The following CSNK1A1 variants were observed in gnomAD, a reference collection of about 807,000 sequenced individuals.
CSNK1A1 encodes casein kinase I isoform alpha.
In CSNK1A1, 7 loss-of-function variants were observed where a neutral mutation model predicts 46.1. The ratio of observed to expected loss-of-function variants is 0.15; its 90% CI spans 0.09 to 0.29. CSNK1A1 has a LOEUF of 0.29. Among genes scored for constraint, CSNK1A1 ranks in the 10% least tolerant of loss-of-function variants. The probability of loss-of-function intolerance (pLI) is 1.00; values close to 1 mark genes in which losing one functional copy is unlikely to be tolerated. For missense variants in CSNK1A1, 96 were observed against 417.1 expected (o/e 0.23, Z 6.71); for synonymous variants, 137 against 141.5 (o/e 0.97, Z 0.23).
intron 9 of CSNK1A1, chr5:149,497,668 G>A (rs1057038909): frequency 2.2e-5 from 22 of 985,392 alleles, no homozygotes; most frequent in African/African-American, 1.4e-4. Context: ...CTTAAGCACC[G>A]TTTTTCCTCT....
chr5:149,546,069 TG>T (rs1291427455), intron 2 of CSNK1A1, among the ~76,000 whole-genome samples: 1 of 151,196 alleles, frequency 6.6e-6, no homozygotes, highest in Non-Finnish European at 1.5e-5. Flanking sequence ...TTTTTTTTTT[TG>T]TATTTTAGTA....
At chr5:149,520,035 A>C (rs1761521042) in intron 4 of CSNK1A1, among the ~76,000 whole-genome samples, 1 of 152,224 alleles carries the variant, frequency 6.6e-6, no homozygotes. Context: ...AGACAACTAC[A>C]GTTCATTATA....
rs1761234602 is a variant in CSNK1A1, at chr5:149,511,928, G to T, written c.597-56C>A. 1.6e-5 allele frequency: 22 copies of T among 1,363,134 alleles called. No homozygotes were observed. In the Middle Eastern group the frequency reaches 6.6e-4, roughly 41 times the overall value. 84.4% of individuals were successfully genotyped at this position (1,363,134 alleles called of 1,614,324 possible). A position where few individuals can be genotyped will look rare whatever the true frequency, so the allele number is the denominator to read the frequency against. ...GAACTATTATTATGAAAAAACATATGAAAGAAAGTCAAGTACCCAGAAGAA... is the reference window on the plus strand; with the variant it reads ...GAACTATTATTATGAAAAAACATATTAAAGAAAGTCAAGTACCCAGAAGAA... On this transcript the variant is annotated intron_variant, in intron 5 of 9. Transcript: ENST00000377843.
chr5:149,540,674 A>C (rs541965108), intron 2 of CSNK1A1, among the ~76,000 whole-genome samples: 1 of 152,246 alleles, frequency 6.6e-6, no homozygotes, highest in South Asian at 2.1e-4. Flanking sequence ...AATAAAACTA[A>C]CACTGTCACA....
intron 2 of CSNK1A1, among the ~76,000 whole-genome samples, chr5:149,531,828 C>T (rs1313499176): frequency 6.8e-6 from 1 of 147,930 alleles, no homozygotes; most frequent in Non-Finnish European, 1.5e-5. Context: ...GACAGCAAGA[C>T]TCCATCTCAA....
chr5:149,520,564 A>G (rs546046185), intron 3 of CSNK1A1, among the ~76,000 whole-genome samples, 176 bp from the exon 4 acceptor site: 1 of 152,370 alleles, frequency 6.6e-6, no homozygotes, highest in African/African-American at 2.4e-5. Context: ...ATATCTAAGC[A>G]TATACCTGCT....
chr5:149,541,557 A>T (rs907865458), intron 2 of CSNK1A1, among the ~76,000 whole-genome samples: 1 of 152,226 alleles, frequency 6.6e-6, no homozygotes, highest in Non-Finnish European at 1.5e-5. Flanking sequence ...ACTGAACACC[A>T]AGTTAAATGA....
chr5:149,499,965 T>G (rs995382927), intron 9 of CSNK1A1, among the ~76,000 whole-genome samples: 26 of 76,354 alleles, frequency 3.4e-4, no homozygotes, highest in Non-Finnish European at 4.0e-4. Context: ...TTTTCTTTTT[T>G]TCTTTTTTTT....
intron 7 of CSNK1A1, among the ~76,000 whole-genome samples, chr5:149,508,831 A>G (rs1477013922): frequency 6.6e-6 from 1 of 152,208 alleles, no homozygotes; most frequent in East Asian, 1.9e-4. Context: ...ATTTACCCCT[A>G]GTTTTCAACA....
chr5:149,525,108 T>A lies in CSNK1A1; in HGVS notation c.294A>T (p.Glu98Asp). Residue 98 changes from glutamate to aspartate, a missense_variant, in exon 3 of 10, where the codon GAA becomes GAT. Glu to Asp is a conservative substitution (Grantham distance 45). Coordinates refer to ENST00000377843, the MANE Select transcript of CSNK1A1 (RefSeq NM_001892.6). The surrounding 1 kb of genome is among the most constrained non-coding windows in gnomAD (Gnocchi z 4.2). ...TTCTTGAACAGAAATTGAAGAGGTC[T>A]TCGAGGCTAGGTCCCAGAAGATCCA... The part of the protein sequence containing the change: ...LVMDLLGPSL[E>D]DLFNFCSRRF... 1 of 1,613,476 alleles carries A rather than the reference T, an allele frequency of 6.2e-7. No individual in the cohort carries two copies. Among genetic ancestry groups the A allele is most frequent in the Non-Finnish European group, 8.5e-7 (1 of 1,179,652 alleles).
chr5:149,537,593 CAAAACAAAACAAAG>C (rs1184231526), intron 2 of CSNK1A1, among the ~76,000 whole-genome samples: 29 of 150,576 alleles, frequency 1.9e-4, no homozygotes, highest in African/African-American at 6.7e-4. Context: ...TAAAAACAAA[CAAAACAAAACAAAG>C]AAAAAAAATA....
intron 4 of CSNK1A1, among the ~76,000 whole-genome samples, chr5:149,516,240 C>T (rs1016313047): frequency 1.3e-5 from 2 of 152,088 alleles, no homozygotes; most frequent in African/African-American, 4.8e-5. Context: ...TTGCTTGAAC[C>T]TGGGAGGTGG....
chr5:149,501,461 A>G (rs1173534879), intron 9 of CSNK1A1: 5 of 985,344 alleles, frequency 5.1e-6, no homozygotes, highest in African/African-American at 3.5e-5. Flanking sequence ...AAGTCAAACT[A>G]GACATAAACG....
chr5:149,503,902 C>T (rs529205524), intron 9 of CSNK1A1: 571 of 985,418 alleles, frequency 5.8e-4, no homozygotes, highest in Admixed American at 1.4e-3. Context: ...ATTATCCCAG[C>T]TAGCTTTCGG....
At chr5:149,500,847 T>C (rs375245743) in intron 9 of CSNK1A1, among the ~76,000 whole-genome samples, 3 of 151,638 alleles carry the variant, frequency 2.0e-5, no homozygotes, top group East Asian at 1.9e-4. Flanking sequence ...TCCTTCCCTA[T>C]AGAAACTAAA....
At chr5:149,499,452 CA>C (rs1760755107) in intron 9 of CSNK1A1, among the ~76,000 whole-genome samples, 1 of 152,200 alleles carries the variant, frequency 6.6e-6, no homozygotes, top group South Asian at 2.1e-4. Flanking sequence ...GCCCGCCACC[CA>C]ATCTGAAATC....
At chr5:149,543,932 A>G (rs1762383150) in intron 2 of CSNK1A1, among the ~76,000 whole-genome samples, 1 of 152,196 alleles carries the variant, frequency 6.6e-6, no homozygotes, top group African/African-American at 2.4e-5. Flanking sequence ...TGAAAGAAAA[A>G]TAGGAAAAAC....
At chr5:149,545,896 T>C in intron 2 of CSNK1A1, 1 of 232,886 alleles carries the variant, frequency 4.3e-6, no homozygotes. Flanking sequence ...TATCCTTGCT[T>C]TTTTTTTTTT....
At chr5:149,526,643 A>ATT (rs1266213869) in intron 2 of CSNK1A1, among the ~76,000 whole-genome samples, 1 of 152,206 alleles carries the variant, frequency 6.6e-6, no homozygotes, top group African/African-American at 2.4e-5. Flanking sequence ...AAATGCAAAG[A>ATT]TAACTATACA....
Sources: gnomAD v4.1 joint callset for allele counts (sites outside exome capture counted in the v4.1 genomes callset) on GRCh38, gnomAD v4.1.1 for gene constraint, Gnocchi (gnomAD v3.1) non-coding constraint, MANE v1.5 for transcripts, NCBI Gene and HGNC (gene_info 2026-07-23, HGNC 2026-07-21) for gene names.